Variants in CDC42BPA observed in about 807,000 individuals in gnomAD.
CDC42BPA encodes serine/threonine-protein kinase MRCK alpha.
Under a neutral mutation model 223.5 loss-of-function variants are expected in CDC42BPA, and 80 were observed. The ratio of observed to expected loss-of-function variants is 0.36; its 90% CI spans 0.30 to 0.43. The LOEUF is 0.43. Ranked by LOEUF, CDC42BPA falls within the 20% of genes least tolerant of loss-of-function variation. The pLI, the probability that CDC42BPA is intolerant of heterozygous loss-of-function variation, is 1.00. For missense variants in CDC42BPA, 1,743 were observed against 2,099.9 expected, an observed-to-expected ratio of 0.83 and a Z score of 3.32; for synonymous variants, 694 against 718.6, an observed-to-expected ratio of 0.97 and a Z score of 0.55.
intron 11 of CDC42BPA, among the ~76,000 whole-genome samples, chr1:227,126,288 T>A (rs1170167523): frequency 1.3e-5 from 2 of 152,134 alleles, no homozygotes; most frequent in African/African-American, 2.4e-5. Context: ...CTCTTAAATG[T>A]TCACATCGAG....
intron 5 of CDC42BPA, among the ~76,000 whole-genome samples, chr1:227,184,727 A>G (rs1203204238): frequency 6.6e-6 from 1 of 152,200 alleles, no homozygotes; most frequent in Non-Finnish European, 1.5e-5. Flanking sequence ...GAGAGACTGC[A>G]ATAAACCTAT....
chr1:227,257,602 T>A (rs568692927), intron 1 of CDC42BPA, among the ~76,000 whole-genome samples: 1 of 150,098 alleles, frequency 6.7e-6, no homozygotes, highest in South Asian at 2.1e-4. Flanking sequence ...ATACAAAAAT[T>A]AAATGGGCAT....
At chr1:227,116,748 T>C (rs1444278389) in intron 12 of CDC42BPA, among the ~76,000 whole-genome samples, 2 of 152,102 alleles carry the variant, frequency 1.3e-5, no homozygotes, top group Non-Finnish European at 2.9e-5. Context: ...CTGGGCTAAA[T>C]GAAAGTCTTA....
intron 10 of CDC42BPA, among the ~76,000 whole-genome samples, chr1:227,130,839 T>TC (rs1223789480): frequency 2.0e-5 from 3 of 149,810 alleles, no homozygotes; most frequent in Non-Finnish European, 4.4e-5. Flanking sequence ...GGGTGATAGA[T>TC]CGAGACTCTG....
chr1:227,222,987 T>A (rs552935125), intron 2 of CDC42BPA, among the ~76,000 whole-genome samples: 1 of 152,130 alleles, frequency 6.6e-6, no homozygotes, highest in East Asian at 1.9e-4. Flanking sequence ...TAAACAGTAG[T>A]ACACAGACAG....
intron 5 of CDC42BPA, among the ~76,000 whole-genome samples, chr1:227,173,410 C>CT (rs1353727602): frequency 6.6e-6 from 1 of 152,138 alleles, no homozygotes; most frequent in Non-Finnish European, 1.5e-5. Context: ...ATAGGAGTGT[C>CT]TTTGACTACT....
intron 5 of CDC42BPA, among the ~76,000 whole-genome samples, chr1:227,192,863 T>C (rs983599561): frequency 1.1e-4 from 16 of 152,066 alleles, no homozygotes; most frequent in Non-Finnish European, 1.2e-4. Flanking sequence ...TTGAGAAACA[T>C]AAAATATATA....
chr1:226,991,091 A>AAT lies in CDC42BPA; in HGVS notation c.*3175_*3176dup, dbSNP rs1284366568. 4 of 152,626 alleles carry AAT rather than the reference A, an allele frequency of 2.6e-5. No homozygotes were observed. Among genetic ancestry groups the AAT allele is most frequent in the Non-Finnish European group, 5.9e-5 (4 of 68,044 alleles). 9.5% of individuals were successfully genotyped at this position (152,626 alleles called of 1,614,324 possible). ...CAAGACTTTTGTTTTTGGCAAAAAG[A>AAT]ATATATATGTATGTAATTTTAAATA... On this transcript the variant is annotated 3_prime_UTR_variant, in exon 37 of 37. Transcript: ENST00000366766.
chr1:227,251,078 G>C (rs1415826143), intron 2 of CDC42BPA, among the ~76,000 whole-genome samples: 2 of 152,006 alleles, frequency 1.3e-5, no homozygotes, highest in African/African-American at 4.8e-5. Flanking sequence ...ACTATTAAAG[G>C]GAATTTTTAA....
chr1:227,316,377 G>C (rs60197034), intron 1 of CDC42BPA, among the ~76,000 whole-genome samples: 30,659 of 152,060 alleles, frequency 0.2, 3,148 homozygotes, highest in East Asian at 0.26. Context: ...ATTAACTTTC[G>C]AGTAAAATCT....
chr1:227,316,899 G>C (rs1694498907), intron 1 of CDC42BPA, 106 bp downstream of exon 1: 4 of 802,388 alleles, frequency 5.0e-6, no homozygotes, highest in Non-Finnish European at 3.9e-6. Flanking sequence ...TTTTTTTATT[G>C]TATTTTTTCT....
At chr1:227,148,702 G>A (rs917591724) in intron 6 of CDC42BPA, among the ~76,000 whole-genome samples, 1 of 145,760 alleles carries the variant, frequency 6.9e-6, no homozygotes, top group Non-Finnish European at 1.5e-5. Flanking sequence ...GGGAGGCGGA[G>A]CTTGCAGTAA....
chr1:227,162,351 C>T (rs1226107854), intron 5 of CDC42BPA, among the ~76,000 whole-genome samples: 1 of 152,100 alleles, frequency 6.6e-6, no homozygotes, highest in Non-Finnish European at 1.5e-5. Flanking sequence ...TGATCTCATC[C>T]TCTCCCTCCA....
chr1:226,994,353 A>C lies in CDC42BPA; in HGVS notation c.5180T>G (p.Leu1727Arg), dbSNP rs1297016559. ...TGAAGCTGGGCTTGGGGGGCTGCTT[A>C]GGTTGGAACTGTTGGAAGCTGTGGA... ...RHSTASNSSN[L>R]SSPPSPASPR... The change falls in exon 37 of 37, where the codon CTA (leucine) becomes CGA (arginine). Residue 1727 changes from leucine (L) to arginine (R), a missense_variant. Transcript: ENST00000366766. The surrounding 1 kb of genome is among the most constrained non-coding windows in gnomAD (Gnocchi z 4.0). 1 of 1,595,586 alleles carries C rather than the reference A, an allele frequency of 6.3e-7. No homozygotes were observed. The highest frequency in any genetic ancestry group is 1.3e-5 in the African/African-American group (1 of 74,532).
chr1:227,074,147 A>G (rs780162585), intron 18 of CDC42BPA, 112 bp downstream of exon 18: 30 of 1,333,606 alleles, frequency 2.2e-5, no homozygotes, highest in Non-Finnish European at 3.1e-5. Flanking sequence ...AAAACTCTTT[A>G]GTAGGCTCAA....
At chr1:227,094,926 T>C (rs1683722926) in intron 15 of CDC42BPA, among the ~76,000 whole-genome samples, 1 of 152,180 alleles carries the variant, frequency 6.6e-6, no homozygotes, top group Admixed American at 6.5e-5. Flanking sequence ...AGCACTCCTT[T>C]CACCAAGGCA....
At chr1:227,244,890 G>C (rs962670651) in intron 2 of CDC42BPA, among the ~76,000 whole-genome samples, 1 of 152,230 alleles carries the variant, frequency 6.6e-6, no homozygotes, top group Non-Finnish European at 1.5e-5. Context: ...AAAGCGCAGA[G>C]ACTCAGTGCT....
At chr1:227,051,414 T>TTTAG (rs1302005793) in intron 22 of CDC42BPA, among the ~76,000 whole-genome samples, 2 of 152,186 alleles carry the variant, frequency 1.3e-5, no homozygotes, top group Non-Finnish European at 2.9e-5. Context: ...AATGTCAGGA[T>TTTAG]TTAGTTGACT....
At chr1:227,267,875 C>T (rs148046631) in intron 1 of CDC42BPA, among the ~76,000 whole-genome samples, 9 of 152,174 alleles carry the variant, frequency 5.9e-5, no homozygotes, top group South Asian at 4.2e-4. Flanking sequence ...GGTAACAATT[C>T]GAAATGAGAT....
Sources: gnomAD v4.1 joint callset for allele counts (sites outside exome capture counted in the v4.1 genomes callset) on GRCh38, gnomAD v4.1.1 for gene constraint, Gnocchi (gnomAD v3.1) non-coding constraint, MANE v1.5 for transcripts, NCBI Gene and HGNC (gene_info 2026-07-23, HGNC 2026-07-21) for gene names.